Variants in COL28A1 observed in about 807,000 individuals in gnomAD.
The protein encoded by COL28A1 is collagen alpha-1(XXVIII) chain.
A neutral mutation model predicts 150.2 loss-of-function variants in COL28A1; 161 were observed. The ratio of observed to expected loss-of-function variants is 1.07; its 90% confidence interval spans 0.94 to 1.22. The LOEUF (loss-of-function observed/expected upper bound fraction) is 1.22. COL28A1 is among the 50% of genes most tolerant of loss of function. The pLI is 0.00. For synonymous variants in COL28A1, 552 were observed against 469.7 expected, an observed-to-expected ratio of 1.18 and a Z score of -2.26; for missense variants, 1,617 against 1,388.3, an observed-to-expected ratio of 1.16 and a Z score of -2.62.
At chr7:7,500,084 T>C (rs542694787) in intron 11 of COL28A1, among the ~76,000 whole-genome samples, 28 of 152,342 alleles carry the variant, frequency 1.8e-4, no homozygotes, top group African/African-American at 6.5e-4. Context: ...TTTGTCTTTA[T>C]TACCCAACTA....
At chr7:7,339,925 G>A in the COL28A1 span, among the ~76,000 whole-genome samples, 1 of 152,162 alleles carries the variant, frequency 6.6e-6, no homozygotes, top group Non-Finnish European at 1.5e-5. Context: ...AAGTCTGAAT[G>A]TAGTTAAGAG....
At chr7:7,507,249 C>A in intron 9 of COL28A1, 88 bp from the exon 10 acceptor site, 1 of 701,810 alleles carries the variant, frequency 1.4e-6, no homozygotes, top group Non-Finnish European at 2.5e-6. Flanking sequence ...AATGTGTTCT[C>A]GGTAATTGCC....
At chr7:7,494,462 C>T (rs1371687670) in intron 11 of COL28A1, among the ~76,000 whole-genome samples, 1 of 152,120 alleles carries the variant, frequency 6.6e-6, no homozygotes, top group Non-Finnish European at 1.5e-5. Flanking sequence ...GCAAGATCTC[C>T]ATATGCAAAA....
At chr7:7,461,269 C>T (rs1787599263) in intron 15 of COL28A1, among the ~76,000 whole-genome samples, 1 of 152,216 alleles carries the variant, frequency 6.6e-6, no homozygotes, top group South Asian at 2.1e-4. Context: ...GCCATCTCTG[C>T]CTCACATCAC....
chr7:7,366,747 G>A (rs900887036), intron 33 of COL28A1, among the ~76,000 whole-genome samples: 19 of 152,186 alleles, frequency 1.2e-4, no homozygotes, highest in Non-Finnish European at 2.5e-4. Flanking sequence ...ACAGTGAAAA[G>A]GAAGAGACAA....
chr7:7,390,393 C>T (rs1331310441), intron 27 of COL28A1, among the ~76,000 whole-genome samples: 1 of 152,106 alleles, frequency 6.6e-6, no homozygotes, highest in South Asian at 2.1e-4. Context: ...ATTCAGTTTG[C>T]CAGTATTTTA....
At chr7:7,515,752 C>A in intron 8 of COL28A1, 62 bp downstream of exon 8, 2 of 815,174 alleles carry the variant, frequency 2.5e-6, no homozygotes, top group Non-Finnish European at 4.3e-6. Flanking sequence ...TTCCTAAGTA[C>A]ACTTATGTTT....
chr7:7,509,770 T>C (rs1781021614), intron 9 of COL28A1, among the ~76,000 whole-genome samples: 1 of 152,230 alleles, frequency 6.6e-6, no homozygotes, highest in Non-Finnish European at 1.5e-5. Context: ...CAGGTATTCT[T>C]TGACTTTCAT....
At chr7:7,377,930 G>A (rs748960390) in intron 30 of COL28A1, among the ~76,000 whole-genome samples, 3 of 152,148 alleles carry the variant, frequency 2.0e-5, no homozygotes, top group Non-Finnish European at 2.9e-5. Context: ...AAGAAACGAT[G>A]AGGGAAAGAA....
intron 25 of COL28A1, 87 bp downstream of exon 25, chr7:7,432,386 G>A: frequency 1.0e-6 from 1 of 1,003,288 alleles, no homozygotes; most frequent in East Asian, 2.4e-5. Context: ...TACTCTTCTA[G>A]CTGATAAAAA....
chr7:7,536,158 CTG>C (rs1343410610), upstream of COL28A1, among the ~76,000 whole-genome samples: 1 of 152,082 alleles, frequency 6.6e-6, no homozygotes, highest in African/African-American at 2.4e-5. Context: ...CTCTAAGATA[CTG>C]GTTCTGAACA....
chr7:7,402,942 T>C (rs1049634751), intron 27 of COL28A1, among the ~76,000 whole-genome samples: 4 of 152,190 alleles, frequency 2.6e-5, no homozygotes, highest in Admixed American at 6.6e-5. Flanking sequence ...TTTCCTTGGA[T>C]AGCTACTGTG....
chr7:7,365,867 TCAAA>T (rs1461057345), intron 33 of COL28A1, among the ~76,000 whole-genome samples: 3 of 152,142 alleles, frequency 2.0e-5, no homozygotes, highest in Admixed American at 1.3e-4. Flanking sequence ...TCCCCAAGAA[TCAAA>T]CACACTTCTT....
At chr7:7,409,852 T>C (rs1169388920) in intron 27 of COL28A1, among the ~76,000 whole-genome samples, 1 of 152,288 alleles carries the variant, frequency 6.6e-6, no homozygotes, top group African/African-American at 2.4e-5. Flanking sequence ...GCCTTGTTCA[T>C]AGCAAATAGG....
rs1307323706 is a variant in COL28A1 at position 7,522,411 on chromosome 7, T to C, written c.703-450A>G. Reference sequence around the variant, plus strand: ...TCCTTTACTAGGCAAAGGAAAACATTTGACTTATAGCATATTTTACTAATT... The same window carrying C: ...TCCTTTACTAGGCAAAGGAAAACATCTGACTTATAGCATATTTTACTAATT... On this transcript the variant is annotated intron_variant, in intron 4 of 34. Coordinates refer to ENST00000399429, the MANE Select transcript of COL28A1 (RefSeq NM_001037763.3). 2.6e-5 allele frequency among the ~76,000 whole-genome samples: 4 copies of C among 152,138 alleles called. No individual in the cohort carries two copies. In the East Asian group the frequency reaches 5.8e-4, roughly 22 times the overall value.
At chr7:7,504,523 A>G (rs988789213) in intron 11 of COL28A1, among the ~76,000 whole-genome samples, 1 of 152,110 alleles carries the variant, frequency 6.6e-6, no homozygotes, top group Non-Finnish European at 1.5e-5. Context: ...GAGAAGAAGA[A>G]GAAGAAAAGG....
chr7:7,474,029 T>C (rs576161005), intron 15 of COL28A1, among the ~76,000 whole-genome samples: 1 of 147,270 alleles, frequency 6.8e-6, no homozygotes, highest in Admixed American at 6.9e-5. Context: ...ATATATATGA[T>C]GGAATACTAT....
intron 27 of COL28A1, among the ~76,000 whole-genome samples, chr7:7,398,873 G>C (rs1366652767): frequency 6.6e-6 from 1 of 152,166 alleles, no homozygotes; most frequent in East Asian, 1.9e-4. Flanking sequence ...TGTGTGTTTA[G>C]ATGTCAGTTT....
chr7:7,473,407 T>C (rs534141538), intron 15 of COL28A1, among the ~76,000 whole-genome samples: 66 of 152,232 alleles, frequency 4.3e-4, no homozygotes, highest in African/African-American at 1.5e-3. Flanking sequence ...CTCGAGAAGA[T>C]ATACAAATGG....
Sources: allele counts gnomAD v4.1 joint callset (sites outside exome capture counted in the v4.1 genomes callset), GRCh38; gene constraint gnomAD v4.1.1; transcripts MANE v1.5; gene names NCBI Gene and HGNC (gene_info 2026-07-23, HGNC 2026-07-21).